Variants in AMZ1 observed in about 807,000 individuals in gnomAD.
AMZ1 encodes archaelysin family metallopeptidase 1.
A neutral mutation model predicts 29.9 loss-of-function variants in AMZ1; 39 were observed. The ratio of observed to expected loss-of-function variants is 1.30; its 90% CI spans 1.01 to 1.70. The LOEUF (loss-of-function observed/expected upper bound fraction) is 1.70. Ranked by LOEUF, AMZ1 falls within the 40% of genes most tolerant of loss-of-function variation. The pLI is 0.00. For missense variants in AMZ1, 1,041 were observed against 680.6 expected, an observed-to-expected ratio of 1.53 and a Z score of -5.89; for synonymous variants, 458 against 304.0, an observed-to-expected ratio of 1.51 and a Z score of -5.27.
chr7:2,682,270 C>T (rs968428009), intron 1 of AMZ1, among the ~76,000 whole-genome samples: 1 of 149,384 alleles, frequency 6.7e-6, no homozygotes, highest in East Asian at 2.0e-4. Context: ...GAGAGGGTCC[C>T]CAGCTACCCC....
chr7:2,702,418 C>T (rs760222492), intron 2 of AMZ1: 44 of 375,028 alleles, frequency 1.2e-4, no homozygotes, highest in Admixed American at 1.0e-3. Context: ...CAGTGCCTGG[C>T]GCTAACCCTA....
chr7:2,730,999 G>C (rs1789860413), intron 4 of AMZ1: 1 of 535,112 alleles, frequency 1.9e-6, no homozygotes, highest in Admixed American at 3.1e-5. Flanking sequence ...TAACGTGACA[G>C]TTTCCATGTC....
chr7:2,707,513 A>AGCC (rs1421951373), intron 3 of AMZ1, among the ~76,000 whole-genome samples: 2 of 151,836 alleles, frequency 1.3e-5, no homozygotes, highest in East Asian at 3.9e-4. Context: ...GCCCAGGTTC[A>AGCC]GCCCCTGGGC....
At chr7:2,711,698 C>T (rs542657649) in intron 6 of AMZ1, among the ~76,000 whole-genome samples, 7 of 152,204 alleles carry the variant, frequency 4.6e-5, no homozygotes, top group South Asian at 4.2e-4. Flanking sequence ...GGATTACAAG[C>T]GTGAGCCACC....
intron 4 of AMZ1, among the ~76,000 whole-genome samples, chr7:2,754,860 C>T (rs190040937): frequency 2.6e-5 from 4 of 152,350 alleles, no homozygotes; most frequent in African/African-American, 7.2e-5. Context: ...AAGAATTCTT[C>T]ACCAAGTTCT....
intron 4 of AMZ1, among the ~76,000 whole-genome samples, chr7:2,748,679 G>C (rs1790882588): frequency 6.6e-6 from 1 of 152,146 alleles, no homozygotes; most frequent in Non-Finnish European, 1.5e-5. Flanking sequence ...TTAAACTAAA[G>C]AGTTTCTGCA....
At chr7:2,763,043 C>G (rs895979222), upstream of AMZ1, 1 of 1,248,142 alleles carries the variant, frequency 8.0e-7, no homozygotes, top group Non-Finnish European at 1.0e-6. Context: ...CTCAGCGTGC[C>G]GTTCCTCCAG....
chr7:2,695,871 G>A (rs557430854), intron 1 of AMZ1, among the ~76,000 whole-genome samples: 10 of 151,924 alleles, frequency 6.6e-5, no homozygotes, highest in East Asian at 1.9e-4. Flanking sequence ...TTAGCCGGGC[G>A]TGGTGGCGGG....
chr7:2,726,589 C>T (rs1789627210), intron 4 of AMZ1, among the ~76,000 whole-genome samples: 1 of 152,362 alleles, frequency 6.6e-6, no homozygotes, highest in South Asian at 2.1e-4. Context: ...TCGGAGCACA[C>T]TGTGTGCTCA....
At chr7:2,724,155 G>C (rs981382181), downstream of AMZ1, among the ~76,000 whole-genome samples, 2 of 152,048 alleles carry the variant, frequency 1.3e-5, no homozygotes, top group Non-Finnish European at 2.9e-5. Flanking sequence ...TCCTGACCTC[G>C]TGATCCACCC....
chr7:2,712,124 G>A (rs562501277), intron 6 of AMZ1, among the ~76,000 whole-genome samples: 44 of 152,268 alleles, frequency 2.9e-4, no homozygotes, highest in Admixed American at 2.2e-3. Context: ...TGAGCTCTTG[G>A]GGGTGGGTAC....
rs1304798172 is a variant in AMZ1 at position 2,713,639 on chromosome 7, A to G, written c.*761A>G. 2 of 152,374 alleles carry G rather than the reference A, an allele frequency of 1.3e-5. No individual in the cohort carries two copies. Among genetic ancestry groups the G allele is most frequent in the Non-Finnish European group, 2.9e-5 (2 of 68,096 alleles). 9.4% of individuals were successfully genotyped at this position (152,374 alleles called of 1,614,324 possible). A position where few individuals can be genotyped will look rare whatever the true frequency, so the allele number is the denominator to read the frequency against. ...CTCTATCATCTCAGGCGTCAACCACATGCACACACACACTGTCACGTTCTG... is the reference window on the plus strand; with the variant it reads ...CTCTATCATCTCAGGCGTCAACCACGTGCACACACACACTGTCACGTTCTG... On this transcript the variant is annotated 3_prime_UTR_variant, in exon 7 of 7. Transcript: ENST00000683327.
rs55752807 is a variant in AMZ1 at position 2,691,730 on chromosome 7, C to CAAA, written c.-219+3450_-219+3452dup. On this transcript the variant is annotated intron_variant, in intron 1 of 6. Transcript: ENST00000683327. ...TGGGTGACAGAGCAAGGCTCCGTCT[C>CAAA]AAAAAAAAAAAAAAAAAATAAGTGA... Among the ~76,000 whole-genome samples the CAAA allele has an allele frequency of 4.0e-3, 341 of 84,608 alleles. 6 individuals are homozygous for CAAA. The highest frequency in any genetic ancestry group is 0.023 in the South Asian group (58 of 2,476). The allele number at this position is 84,608 out of a possible 152,430, so 55.5% of individuals were successfully genotyped here. A position where few individuals can be genotyped will look rare whatever the true frequency, so the allele number is the denominator to read the frequency against.
intron 4 of AMZ1, among the ~76,000 whole-genome samples, chr7:2,752,277 G>C (rs916998820): frequency 2.6e-5 from 4 of 152,018 alleles, no homozygotes; most frequent in Non-Finnish European, 5.9e-5. Context: ...CAGACTAATA[G>C]AAAGAAACTT....
upstream of AMZ1, chr7:2,762,853 G>A (rs534113116): frequency 3.2e-4 from 477 of 1,479,822 alleles, no homozygotes; most frequent in Non-Finnish European, 4.2e-4. Flanking sequence ...TCCGAAGCAG[G>A]AGAGGGCCAG....
downstream of AMZ1, among the ~76,000 whole-genome samples, chr7:2,723,724 G>A (rs190355957): frequency 1.4e-3 from 209 of 152,360 alleles, no homozygotes; most frequent in African/African-American, 4.7e-3. Context: ...ATGGAGGCCT[G>A]CAGGTCAGGC....
chr7:2,758,977 T>C (rs1791428841), intron 4 of AMZ1, among the ~76,000 whole-genome samples: 1 of 151,694 alleles, frequency 6.6e-6, no homozygotes, highest in South Asian at 2.1e-4. Flanking sequence ...CCGTCTCTAC[T>C]AAAAATACAA....
intron 6 of AMZ1, 95 bp from the exon 7 acceptor site, chr7:2,712,235 G>A (rs76002928): frequency 0.045 from 59,714 of 1,341,698 alleles, 1,816 homozygotes; most frequent in South Asian, 0.12. Context: ...AACTGAGGAC[G>A]GTGGGGTCCC....
At chr7:2,691,846 C>T (rs1252204151) in intron 1 of AMZ1, among the ~76,000 whole-genome samples, 1 of 152,016 alleles carries the variant, frequency 6.6e-6, no homozygotes, top group Non-Finnish European at 1.5e-5. Flanking sequence ...TCTGTTTTAC[C>T]ATGTCATTCT....
Sources: gnomAD v4.1 joint callset for allele counts (sites outside exome capture counted in the v4.1 genomes callset) on GRCh38, gnomAD v4.1.1 for gene constraint, MANE v1.5 for transcripts, NCBI Gene and HGNC (gene_info 2026-07-23, HGNC 2026-07-21) for gene names.